HTT: variants seen among roughly 807,000 people sequenced by gnomAD.
HTT encodes huntington disease protein.
HTT carries 104 observed loss-of-function variants against 362.3 expected under a neutral mutation model. The ratio of observed to expected loss-of-function variants is 0.29; its 90% CI spans 0.24 to 0.34. The LOEUF is 0.34. HTT is among the 10% of genes least tolerant of loss of function. HTT has a pLI of 1.00. For missense variants in HTT, 3,301 were observed against 3,928.6 expected (o/e 0.84, Z 4.27); for synonymous variants, 1,577 against 1,548.7 (o/e 1.02, Z -0.43).
In HTT at chr4:3,241,357, C is replaced by T. The variant is rs1721792695; in HGVS notation, c.*1298C>T. 1 of 152,458 alleles carries T rather than the reference C, an allele frequency of 6.6e-6. No homozygotes were observed. Among genetic ancestry groups the T allele is most frequent in the Non-Finnish European group, 1.5e-5 (1 of 68,144 alleles). The allele number at this position is 152,458 out of a possible 1,614,324, so 9.4% of individuals were successfully genotyped here. A position where few individuals can be genotyped will look rare whatever the true frequency, so the allele number is the denominator to read the frequency against. The stretch of plus-strand genomic sequence containing the variant: ...CCACGGCCCTGTCAGAGCCGCCACT[C>T]CTATCCCCAGGCCAGGTCCCTGGAC... On this transcript the variant is annotated 3_prime_UTR_variant, in exon 67 of 67. Transcript: ENST00000355072.
In HTT at chr4:3,199,751, A is replaced by G. The variant is rs376884113; in HGVS notation, c.5388A>G (p.Thr1796=). 65 of 1,613,954 alleles carry G rather than the reference A, an allele frequency of 4.0e-5. No homozygotes were observed. Among genetic ancestry groups the G allele is most frequent in the African/African-American group, 5.3e-5 (4 of 74,932 alleles). ...TTCTAGGAATGTTCCGGAGAATCAC[A>G]GCAGCTGCCACTAGGCTGTTCCGCA... is the stretch of plus-strand genomic sequence containing the variant. ...IFKSGMFRRI[T]AAATRLFRSD... is the part of the protein sequence containing the mutation. The change falls in exon 41 of 67, where the codon ACA becomes ACG. Residue 1796 remains threonine (T), a synonymous_variant. Coordinates refer to ENST00000355072, the MANE Select transcript of HTT (RefSeq NM_001388492.1).
rs1336445886 is a variant in HTT at position 3,223,606 on chromosome 4, G to T, written c.7625+46G>T. ...GTCTCTGGGACATAGCAGGTGCTGGGGACAGTGGGTTCCCCGCTGAAGCGT... is the reference window on the plus strand; with the variant it reads ...GTCTCTGGGACATAGCAGGTGCTGGTGACAGTGGGTTCCCCGCTGAAGCGT... On this transcript the variant is annotated intron_variant, in intron 55 of 66. Transcript: ENST00000355072. The T allele has an allele frequency of 7.2e-6, 11 of 1,528,688 alleles. No homozygotes were observed. The South Asian group carries it at 1.2e-4, about 17-fold the overall frequency. The allele number at this position is 1,528,688 out of a possible 1,614,324, so 94.7% of individuals were successfully genotyped here.
At chr4:3,114,748 T>C (rs1216172896) in intron 6 of HTT, among the ~76,000 whole-genome samples, 4 of 152,240 alleles carry the variant, frequency 2.6e-5, no homozygotes, top group South Asian at 2.1e-4. Flanking sequence ...ATTAGAGTTA[T>C]AGCACTTTCT....
chr4:3,204,099 A>G lies in HTT; in HGVS notation c.5669A>G (p.Asn1890Ser), dbSNP rs766561678. The change falls in exon 42 of 67, where the codon AAT becomes AGT. Residue 1890 changes from asparagine (N) to serine (S), a missense_variant. Physicochemically the swap from Asn to Ser is conservative, Grantham distance 46. Around this residue, in one of 4 missense-constraint regions of HTT, gnomAD observed 2,316 missense variants for 2,658.5 expected, o/e 0.87. Coordinates refer to ENST00000355072, the MANE Select transcript of HTT (RefSeq NM_001388492.1). ...SDLAAKLGMC[N>S]REIVRRGALI... ...TTGGCAGCCAAACTTGGAATGTGCA[A>G]TAGAGAAATAGTACGAAGAGGGGCT... is the stretch of plus-strand genomic sequence containing the variant. The G allele has an allele frequency of 1.0e-4, 161 of 1,614,108 alleles. No individual in the cohort carries two copies. Among genetic ancestry groups the G allele is most frequent in the Non-Finnish European group, 1.3e-4 (154 of 1,180,032 alleles).
intron 1 of HTT, among the ~76,000 whole-genome samples, chr4:3,081,634 C>T (rs1038664731): frequency 6.8e-6 from 1 of 146,426 alleles, no homozygotes; most frequent in Admixed American, 7.0e-5. Context: ...TCTCGGCTCA[C>T]TGCAACCTCT....
At chr4:3,175,250 T>C (rs1426367761) in intron 33 of HTT, 143 bp downstream of exon 33, 10 of 779,700 alleles carry the variant, frequency 1.3e-5, no homozygotes, top group South Asian at 5.7e-5. Flanking sequence ...TTCATGCACC[T>C]AGCTGGTGCA....
chr4:3,110,102 G>A (rs531667383), intron 6 of HTT, among the ~76,000 whole-genome samples: 2 of 152,194 alleles, frequency 1.3e-5, no homozygotes, highest in Non-Finnish European at 2.9e-5. Flanking sequence ...TCTAGGTTCA[G>A]CTTTCCTCAG....
chr4:3,192,523 C>G (rs1259133707), intron 40 of HTT, among the ~76,000 whole-genome samples: 1 of 152,202 alleles, frequency 6.6e-6, no homozygotes. Flanking sequence ...CCATAAACCC[C>G]TGAATGCTCT....
chr4:3,113,007 A>G, intron 6 of HTT: 1 of 974,382 alleles, frequency 1.0e-6, no homozygotes, highest in Non-Finnish European at 1.2e-6. Context: ...TTGGCTCTGA[A>G]GTTTAATGAT....
In HTT at chr4:3,214,043, A is replaced by G; in HGVS notation, c.6860A>G (p.Gln2287Arg). The change falls in exon 50 of 67, where the codon CAG (glutamine) becomes CGG (arginine). Residue 2287 changes from glutamine to arginine, a missense_variant. Physicochemically the swap from Gln to Arg is conservative, Grantham distance 43. This residue lies in a region of HTT where 220 missense variants were observed against 218.5 expected (regional missense o/e 1.01). Transcript: ENST00000355072. ...CTGGACTGCTGCTGCCTGGCCCTGC[A>G]GCTGCCTGGCCTCTGGAGCGTGGTC... ...AGLDCCCLAL[Q>R]LPGLWSVVSS... 6.2e-6 allele frequency: 10 copies of G among 1,609,978 alleles called. No homozygotes were observed. The highest frequency in any genetic ancestry group is 8.5e-6 in the Non-Finnish European group (10 of 1,177,992).
At position 3,228,695 on chromosome 4, in the gene HTT, G is replaced by A. The variant is rs761488896; in HGVS notation, c.7929G>A (p.Glu2643=). The A allele has an allele frequency of 4.4e-6, 7 of 1,593,496 alleles. No homozygotes were observed. In the South Asian group the frequency reaches 4.4e-5, roughly 10 times the overall value. ...AATGGGACGAGGAAGAGGAGGAGGAGGCCGACGCCCCTGCACCTTCGTCAC... is the reference window on the plus strand; with the variant it reads ...AATGGGACGAGGAAGAGGAGGAGGAAGCCGACGCCCCTGCACCTTCGTCAC... ...EEEWDEEEEE[E]ADAPAPSSPP... The change falls in exon 58 of 67, where the codon GAG becomes GAA. Residue 2643 remains glutamate (E), a synonymous_variant. Transcript: ENST00000355072. This position sits in a 1 kb window ranked among gnomAD's most constrained non-coding sequence, Gnocchi z 4.3.
chr4:3,131,531 G>A (rs1489961139), intron 15 of HTT, 107 bp from the exon 16 acceptor site: 18 of 1,530,930 alleles, frequency 1.2e-5, no homozygotes, highest in South Asian at 2.3e-5. Flanking sequence ...ACTAGCCGAG[G>A]GGAGGGAGGA....
At chr4:3,229,789 G>A in intron 59 of HTT, 98 bp from the exon 60 acceptor site, 2 of 1,284,244 alleles carry the variant, frequency 1.6e-6, no homozygotes. Flanking sequence ...TCTCTTGGGT[G>A]TAAGAACACG....
intron 37 of HTT, among the ~76,000 whole-genome samples, chr4:3,183,384 A>G (rs550237329): frequency 1.5e-4 from 23 of 152,378 alleles, no homozygotes; most frequent in Admixed American, 2.6e-4. Flanking sequence ...CAGCTCTGCC[A>G]GAAAATCTCA....
At chr4:3,100,851 T>A (rs1714118602) in intron 3 of HTT, among the ~76,000 whole-genome samples, 1 of 152,164 alleles carries the variant, frequency 6.6e-6, no homozygotes, top group African/African-American at 2.4e-5. Flanking sequence ...GCTTGGCCCC[T>A]TGAGTAGCTG....
chr4:3,159,792 TA>T (rs1717349789), intron 28 of HTT, among the ~76,000 whole-genome samples: 1 of 152,264 alleles, frequency 6.6e-6, no homozygotes, highest in African/African-American at 2.4e-5. Context: ...AATTGCTGTA[TA>T]ATTTAATTAC....
chr4:3,132,074 G>A lies in HTT; in HGVS notation c.2236+299G>A, dbSNP rs371349539. Among the ~76,000 whole-genome samples, 14 of 152,286 alleles carry A rather than the reference G, an allele frequency of 9.2e-5. No individual in the cohort carries two copies. The East Asian group carries it at 1.2e-3, about 13-fold the overall frequency. On this transcript the variant is annotated intron_variant, in intron 16 of 66. Coordinates refer to ENST00000355072, the MANE Select transcript of HTT (RefSeq NM_001388492.1). ...TGCCTGGTCGCAGTGGCGCTGAGTC[G>A]CACTCAGCCAGGCCAGGCATTCACA...
intron 41 of HTT, among the ~76,000 whole-genome samples, chr4:3,200,330 A>T (rs1578582515): frequency 2.6e-5 from 4 of 152,178 alleles, no homozygotes; most frequent in African/African-American, 9.7e-5. Context: ...TTATCCTTAG[A>T]TAATGAAGTA....
intron 47 of HTT, among the ~76,000 whole-genome samples, chr4:3,211,525 C>T (rs971744462): frequency 1.3e-5 from 2 of 152,194 alleles, no homozygotes; most frequent in East Asian, 1.9e-4. Flanking sequence ...GCTACTTTTA[C>T]GTATTTCAGC....
Sources: gnomAD v4.1 joint callset for allele counts (sites outside exome capture counted in the v4.1 genomes callset) on GRCh38, gnomAD v4.1.1 for gene constraint, gnomAD v4.1.1 regional missense constraint, Gnocchi (gnomAD v3.1) non-coding constraint, MANE v1.5 for transcripts, NCBI Gene and HGNC (gene_info 2026-07-23, HGNC 2026-07-21) for gene names.